Variants in LMNTD1 observed in about 807,000 individuals in gnomAD.
LMNTD1 encodes lamin tail domain containing 1.
In LMNTD1, 35 loss-of-function variants were observed where a neutral mutation model predicts 50.9. That is an observed-to-expected ratio of 0.69 (90% CI 0.53 to 0.91). The LOEUF is 0.91. Among genes scored for constraint, LMNTD1 ranks in the 40% least tolerant of loss-of-function variants. The pLI is 0.00. For missense variants in LMNTD1, 470 were observed against 475.5 expected (o/e 0.99, Z 0.11); for synonymous variants, 153 against 161.9 (o/e 0.94, Z 0.42).
chr12:25,609,154 C>T (rs1462372422), intron 1 of LMNTD1, among the ~76,000 whole-genome samples: 4 of 152,220 alleles, frequency 2.6e-5, no homozygotes, highest in Middle Eastern at 3.4e-3. Context: ...GTTCTCGTGC[C>T]GTGGTTTTCA....
chr12:25,482,081 A>T (rs1938464894), intron 9 of LMNTD1, among the ~76,000 whole-genome samples: 1 of 152,008 alleles, frequency 6.6e-6, no homozygotes, highest in Admixed American at 6.5e-5. Flanking sequence ...ATTTCAGGAT[A>T]AGTATGAGGA....
chr12:25,625,192 T>A (rs1946562215), intron 1 of LMNTD1, among the ~76,000 whole-genome samples: 1 of 152,190 alleles, frequency 6.6e-6, no homozygotes, highest in Non-Finnish European at 1.5e-5. Context: ...CTTTGAGTAA[T>A]AATATGACTA....
intron 1 of LMNTD1, among the ~76,000 whole-genome samples, chr12:25,580,607 T>A (rs1945244072): frequency 6.6e-6 from 1 of 152,212 alleles, no homozygotes; most frequent in African/African-American, 2.4e-5. Flanking sequence ...TAATTCTTTC[T>A]AAAACAGAAT....
chr12:25,571,386 C>T (rs958855309), intron 1 of LMNTD1, among the ~76,000 whole-genome samples: 3 of 127,808 alleles, frequency 2.3e-5, no homozygotes, highest in African/African-American at 5.8e-5. Flanking sequence ...TTTTTTGAGA[C>T]GGAGTCTCGC....
At chr12:25,627,587 TCA>T (rs1946618306) in intron 1 of LMNTD1, among the ~76,000 whole-genome samples, 1 of 152,170 alleles carries the variant, frequency 6.6e-6, no homozygotes, top group South Asian at 2.1e-4. Flanking sequence ...TCCTCACATG[TCA>T]CACACAGTTA....
chr12:25,603,853 T>A (rs1220146101), intron 1 of LMNTD1, among the ~76,000 whole-genome samples: 1 of 152,034 alleles, frequency 6.6e-6, no homozygotes, highest in African/African-American at 2.4e-5. Context: ...ACATACGATT[T>A]GATCACCGAA....
intron 8 of LMNTD1, among the ~76,000 whole-genome samples, chr12:25,517,933 AC>A (rs1940932885): frequency 1.3e-5 from 2 of 152,128 alleles, no homozygotes; most frequent in African/African-American, 4.8e-5. Flanking sequence ...CTTAAAGATC[AC>A]AGGCAAAGAG....
chr12:25,483,892 CATAA>C (rs974100482), intron 9 of LMNTD1, among the ~76,000 whole-genome samples: 1 of 151,840 alleles, frequency 6.6e-6, no homozygotes, highest in African/African-American at 2.4e-5. Context: ...AACACTTGGA[CATAA>C]ATAGTCTGAA....
chr12:25,523,258 T>G (rs1171129777), intron 6 of LMNTD1, among the ~76,000 whole-genome samples: 1 of 152,186 alleles, frequency 6.6e-6, no homozygotes, highest in Non-Finnish European at 1.5e-5. Context: ...GGTATCAAAC[T>G]CCTGACCTTG....
At chr12:25,487,333 A>G (rs1436748232) in intron 9 of LMNTD1, among the ~76,000 whole-genome samples, 1 of 136,566 alleles carries the variant, frequency 7.3e-6, no homozygotes, top group Non-Finnish European at 1.6e-5. Flanking sequence ...TTGGGTGCAT[A>G]TATATTTAGG....
chr12:25,552,839 A>G, intron 2 of LMNTD1, 32 bp downstream of exon 2: 10 of 1,314,824 alleles, frequency 7.6e-6, no homozygotes, highest in South Asian at 1.3e-5. Flanking sequence ...CTCAGCTCTA[A>G]CTCTGCTTCC....
intron 9 of LMNTD1, among the ~76,000 whole-genome samples, chr12:25,484,633 T>G (rs1938556917): frequency 2.7e-5 from 4 of 147,372 alleles, no homozygotes; most frequent in African/African-American, 1.0e-4. Flanking sequence ...TAGGTATATC[T>G]CCCAATGCTA....
In LMNTD1 at chr12:25,514,783, G is replaced by A. The variant is rs894837997; in HGVS notation, c.1189+4012C>T. On this transcript the variant is annotated intron_variant, in intron 8 of 9. Coordinates refer to ENST00000458174, the MANE Select transcript of LMNTD1 (RefSeq NM_001145728.2). ...TGAGAATTATTATGAGATAGGGAAA[G>A]ATTTTTTATTTTTTTACATATGAAA... Among the ~76,000 whole-genome samples the A allele has an allele frequency of 3.9e-5, 6 of 152,166 alleles. No individual in the cohort carries two copies. The East Asian group carries it at 1.2e-3, about 29-fold the overall frequency.
intron 1 of LMNTD1, among the ~76,000 whole-genome samples, chr12:25,622,146 G>A (rs1285843485): frequency 6.6e-6 from 1 of 152,250 alleles, no homozygotes. Context: ...GGCATCCCCA[G>A]GGAAGGCTGC....
intron 4 of LMNTD1, among the ~76,000 whole-genome samples, chr12:25,544,054 A>G (rs1224906923): frequency 1.3e-5 from 2 of 151,970 alleles, no homozygotes; most frequent in African/African-American, 4.8e-5. Flanking sequence ...TTCTGCAGCA[A>G]TTGGGTGAAA....
intron 1 of LMNTD1, among the ~76,000 whole-genome samples, chr12:25,604,175 T>C (rs1477932275): frequency 6.6e-6 from 1 of 152,116 alleles, no homozygotes; most frequent in Non-Finnish European, 1.5e-5. Flanking sequence ...TTCTATTTTT[T>C]ACATTATATT....
intron 9 of LMNTD1, among the ~76,000 whole-genome samples, chr12:25,494,358 A>G (rs981882753): frequency 2.0e-5 from 3 of 151,368 alleles, no homozygotes; most frequent in Non-Finnish European, 4.5e-5. Context: ...CTTATTTAGG[A>G]CAGAATAATA....
At chr12:25,609,143 A>G (rs1411730405) in intron 1 of LMNTD1, among the ~76,000 whole-genome samples, 1 of 152,180 alleles carries the variant, frequency 6.6e-6, no homozygotes, top group Non-Finnish European at 1.5e-5. Context: ...TGCATCGCAT[A>G]GTTCTCGTGC....
intron 1 of LMNTD1, among the ~76,000 whole-genome samples, chr12:25,629,151 A>T (rs1946659603): frequency 1.3e-5 from 2 of 152,252 alleles, no homozygotes; most frequent in Admixed American, 1.3e-4. Context: ...GATTCGAGCC[A>T]TAACTTGCTC....
Sources: allele counts gnomAD v4.1 joint callset (sites outside exome capture counted in the v4.1 genomes callset), GRCh38; gene constraint gnomAD v4.1.1; transcripts MANE v1.5; gene names NCBI Gene and HGNC (gene_info 2026-07-23, HGNC 2026-07-21).